Variants in MYO3B observed in about 807,000 individuals in gnomAD.
The protein encoded by MYO3B is myosin-IIIb.
In MYO3B, 156 loss-of-function variants were observed where a neutral mutation model predicts 174.6. The observed-to-expected ratio is 0.89, with a 90% confidence interval of 0.78 to 1.02. The LOEUF (loss-of-function observed/expected upper bound fraction) is 1.02, where lower values mean the gene tolerates loss of function less well. MYO3B is among the 50% of genes least tolerant of loss of function. The probability of loss-of-function intolerance (pLI) is 0.00; values close to 1 mark genes in which losing one functional copy is unlikely to be tolerated. For synonymous variants in MYO3B, 563 were observed against 569.1 expected, an observed-to-expected ratio of 0.99 and a Z score of 0.15; for missense variants, 1,632 against 1,639.4, an observed-to-expected ratio of 1.00 and a Z score of 0.08.
chr2:170,344,782 T>G (rs1574822739), intron 8 of MYO3B: 1 of 152,278 alleles, frequency 6.6e-6, no homozygotes, highest in Admixed American at 6.5e-5. Flanking sequence ...ATGACAGTGA[T>G]GAATACTATA....
intron 6 of MYO3B, among the ~76,000 whole-genome samples, chr2:170,233,942 C>T (rs199781475): frequency 7.9e-5 from 12 of 151,978 alleles, no homozygotes; most frequent in South Asian, 2.1e-4. Flanking sequence ...GAGGCCGAGG[C>T]GGGTGGATCA....
intron 7 of MYO3B, among the ~76,000 whole-genome samples, chr2:170,241,657 G>A (rs1362344036): frequency 6.7e-6 from 1 of 149,892 alleles, no homozygotes; most frequent in East Asian, 2.0e-4. Context: ...CCCAGGGTCT[G>A]GATCCTTGTG....
chr2:170,390,577 C>A (rs1289949683), intron 14 of MYO3B, among the ~76,000 whole-genome samples: 1 of 152,152 alleles, frequency 6.6e-6, no homozygotes, highest in African/African-American at 2.4e-5. Flanking sequence ...AGAGGCTGAA[C>A]AGAATGGGGG....
chr2:170,385,363 G>C lies in MYO3B; in HGVS notation c.1291-826G>C, dbSNP rs1042094751. ...TGAAGCTGTCTAGGGGGCTCACCTTGAACCACCTTCTTAGGAATAAACTGA... is the reference window on the plus strand; with the variant it reads ...TGAAGCTGTCTAGGGGGCTCACCTTCAACCACCTTCTTAGGAATAAACTGA... On this transcript the variant is annotated intron_variant, in intron 12 of 34. Transcript: ENST00000408978. Among the ~76,000 whole-genome samples, 2 of 152,110 alleles carry C rather than the reference G, an allele frequency of 1.3e-5. 1 individual carries two copies. The highest frequency in any genetic ancestry group is 4.1e-4 in the South Asian group (2 of 4,824).
chr2:170,593,227 G>A (rs1693931051), intron 32 of MYO3B, among the ~76,000 whole-genome samples: 1 of 152,030 alleles, frequency 6.6e-6, no homozygotes, highest in South Asian at 2.1e-4. Flanking sequence ...CATCCCAAGT[G>A]ACTGGGACTA....
chr2:170,327,114 T>C lies in MYO3B; in HGVS notation c.750-8271T>C, dbSNP rs575986457. ...TCAAAAGAATCAACAAGGCTGGGTG[T>C]GGTGGCTCACGCCTGTAATCCCAGC... is the stretch of plus-strand genomic sequence containing the variant. On this transcript the variant is annotated intron_variant, in intron 7 of 34. Transcript: ENST00000408978. Among the ~76,000 whole-genome samples the C allele has an allele frequency of 3.5e-3, 530 of 152,294 alleles. 3 individuals are homozygous for C. The highest frequency in any genetic ancestry group is 7.7e-3 in the African/African-American group (318 of 41,568).
At chr2:170,549,890 C>T (rs1290819571) in intron 32 of MYO3B, among the ~76,000 whole-genome samples, 1 of 152,170 alleles carries the variant, frequency 6.6e-6, no homozygotes, top group Non-Finnish European at 1.5e-5. Flanking sequence ...TGCCAGACAG[C>T]AATGCTATGA....
intron 32 of MYO3B, among the ~76,000 whole-genome samples, chr2:170,546,148 C>G (rs1475595874): frequency 2.0e-5 from 3 of 152,172 alleles, no homozygotes; most frequent in Non-Finnish European, 1.5e-5. Flanking sequence ...GTTTACTTTT[C>G]AAAATCCTCT....
At chr2:170,467,123 A>G (rs1279721266) in intron 25 of MYO3B, among the ~76,000 whole-genome samples, 2 of 152,206 alleles carry the variant, frequency 1.3e-5, no homozygotes, top group African/African-American at 4.8e-5. Flanking sequence ...GTATCATAAG[A>G]GTACAGGACA....
intron 7 of MYO3B, among the ~76,000 whole-genome samples, chr2:170,327,314 G>T (rs1015014770): frequency 1.3e-5 from 2 of 152,240 alleles, no homozygotes; most frequent in East Asian, 3.8e-4. Context: ...GAACCCAGGA[G>T]ATGGAGATTG....
chr2:170,635,634 C>T (rs1470678566), intron 32 of MYO3B, among the ~76,000 whole-genome samples: 2 of 151,906 alleles, frequency 1.3e-5, no homozygotes, highest in East Asian at 1.9e-4. Flanking sequence ...TATATATTAA[C>T]GATCCTCACA....
At chr2:170,310,640 G>A (rs1045229173) in intron 7 of MYO3B, among the ~76,000 whole-genome samples, 1 of 113,336 alleles carries the variant, frequency 8.8e-6, no homozygotes, top group African/African-American at 3.1e-5. Flanking sequence ...ACTCCAGCCT[G>A]GGCGACAAGA....
rs192704658 is a variant in MYO3B, at chr2:170,265,860, T to C, written c.749+29724T>C. 4.6e-5 allele frequency among the ~76,000 whole-genome samples: 7 copies of C among 152,148 alleles called. No individual in the cohort carries two copies. The East Asian group carries it at 1.3e-3, about 29-fold the overall frequency. On this transcript the variant is annotated intron_variant, in intron 7 of 34. Coordinates refer to ENST00000408978, the MANE Select transcript of MYO3B (RefSeq NM_138995.5). ...GAGTATGCAACAAGATGAAAACACA[T>C]GACAGAGGAATTTTGTATGAATACA...
At chr2:170,196,900 A>G (rs1247261655) in intron 1 of MYO3B, among the ~76,000 whole-genome samples, 1 of 152,092 alleles carries the variant, frequency 6.6e-6, no homozygotes, top group East Asian at 1.9e-4. Context: ...AGGTGTAGAT[A>G]TACCTGATTG....
chr2:170,409,323 A>G (rs753869658), intron 22 of MYO3B, among the ~76,000 whole-genome samples: 1 of 152,228 alleles, frequency 6.6e-6, no homozygotes, highest in Non-Finnish European at 1.5e-5. Context: ...ACAAAGAGAT[A>G]ACCTCCGCCG....
intron 22 of MYO3B, among the ~76,000 whole-genome samples, chr2:170,409,772 T>C (rs2094533959): frequency 1.3e-5 from 2 of 152,272 alleles, no homozygotes; most frequent in Admixed American, 1.3e-4. Context: ...ATTTTCTATA[T>C]GGAATTTTCT....
At chr2:170,562,397 C>T (rs2192754) in intron 32 of MYO3B, among the ~76,000 whole-genome samples, 123,684 of 152,114 alleles carry the variant, frequency 0.81, 50,851 homozygotes, top group African/African-American at 0.91. Context: ...TACATTGTCT[C>T]TAGTTTTTCT....
At chr2:170,207,673 A>G (rs1574578972) in intron 3 of MYO3B, among the ~76,000 whole-genome samples, 4 of 151,984 alleles carry the variant, frequency 2.6e-5, no homozygotes, top group South Asian at 2.1e-4. Context: ...AAAGAAAAAA[A>G]AAAAGGCTTT....
chr2:170,536,966 C>G (rs543493994), intron 30 of MYO3B, among the ~76,000 whole-genome samples: 17 of 152,154 alleles, frequency 1.1e-4, no homozygotes, highest in African/African-American at 3.9e-4. Flanking sequence ...CTTTGGGAGT[C>G]TGAGGCAGGT....
Sources: allele counts gnomAD v4.1 joint callset (sites outside exome capture counted in the v4.1 genomes callset), GRCh38; gene constraint gnomAD v4.1.1; transcripts MANE v1.5; gene names NCBI Gene and HGNC (gene_info 2026-07-23, HGNC 2026-07-21).